The following DLGAP2 variants were observed in gnomAD, a reference collection of about 807,000 sequenced individuals.
DLGAP2 encodes the protein DLG associated protein 2.
Under a neutral mutation model 100.3 loss-of-function variants are expected in DLGAP2, and 26 were observed. The observed-to-expected ratio is 0.26, with a 90% CI of 0.19 to 0.36. The LOEUF (loss-of-function observed/expected upper bound fraction) is 0.36. Ranked by LOEUF, DLGAP2 falls within the 10% of genes least tolerant of loss-of-function variation. The pLI is 1.00. For missense variants in DLGAP2, 1,858 were observed against 1,453.2 expected, an observed-to-expected ratio of 1.28 and a Z score of -4.53; for synonymous variants, 886 against 630.1, an observed-to-expected ratio of 1.41 and a Z score of -6.08.
chr8:1,286,912 C>A (rs755971167), intron 3 of DLGAP2, among the ~76,000 whole-genome samples: 18 of 152,222 alleles, frequency 1.2e-4, no homozygotes, highest in Non-Finnish European at 2.5e-4. Context: ...ACGTTAAATA[C>A]AATGAGGGCT....
At chr8:1,363,407 C>T (rs777433235) in intron 3 of DLGAP2, among the ~76,000 whole-genome samples, 36 of 152,204 alleles carry the variant, frequency 2.4e-4, no homozygotes, top group African/African-American at 5.5e-4. Flanking sequence ...CCTGCCTCCA[C>T]GTCGCAGGTC....
intron 6 of DLGAP2, chr8:1,619,678 T>A (rs1040203717): frequency 1.3e-5 from 2 of 152,238 alleles, no homozygotes; most frequent in African/African-American, 4.8e-5. Flanking sequence ...ATTATACTTG[T>A]ATTGCATGTA....
intron 3 of DLGAP2, among the ~76,000 whole-genome samples, chr8:1,333,233 C>T (rs1042176992): frequency 2.0e-5 from 3 of 152,164 alleles, no homozygotes; most frequent in East Asian, 1.9e-4. Context: ...AAACCCACTG[C>T]TACCCTGGCC....
At chr8:1,310,017 C>A (rs1397429477) in intron 3 of DLGAP2, among the ~76,000 whole-genome samples, 3 of 146,976 alleles carry the variant, frequency 2.0e-5, no homozygotes, top group African/African-American at 5.1e-5. Context: ...ATCATTTGAA[C>A]CACTGTATAC....
chr8:1,539,432 G>C (rs897943299), intron 4 of DLGAP2, among the ~76,000 whole-genome samples: 1 of 152,270 alleles, frequency 6.6e-6, no homozygotes. Context: ...TATGATGGAC[G>C]GCTCTAATCT....
At chr8:1,415,677 G>A (rs766904554) in intron 3 of DLGAP2, among the ~76,000 whole-genome samples, 6 of 152,216 alleles carry the variant, frequency 3.9e-5, no homozygotes, top group African/African-American at 1.4e-4. Flanking sequence ...ATTTCGTGGT[G>A]TATAGGTAGC....
intron 5 of DLGAP2, among the ~76,000 whole-genome samples, chr8:1,558,165 G>A (rs1802030324): frequency 6.6e-6 from 1 of 152,194 alleles, no homozygotes; most frequent in Admixed American, 6.5e-5. Flanking sequence ...CAGCGCCTCT[G>A]TTGGTGGCCT....
intron 2 of DLGAP2, among the ~76,000 whole-genome samples, chr8:1,135,439 G>A (rs994576695): frequency 3.3e-5 from 5 of 150,340 alleles, no homozygotes; most frequent in Non-Finnish European, 7.4e-5. Context: ...ATGGTTTTAG[G>A]AACCACGCAG....
intron 2 of DLGAP2, among the ~76,000 whole-genome samples, chr8:951,217 T>G (rs900319164): frequency 6.6e-6 from 1 of 152,212 alleles, no homozygotes; most frequent in Non-Finnish European, 1.5e-5. Flanking sequence ...GTTTCTGATA[T>G]TTTGTTACTT....
intron 2 of DLGAP2, among the ~76,000 whole-genome samples, chr8:1,078,327 G>T (rs1458869696): frequency 1.3e-5 from 2 of 152,044 alleles, no homozygotes; most frequent in Non-Finnish European, 2.9e-5. Context: ...TACTCTTTTT[G>T]CCTGTATTCC....
At chr8:775,310 C>G (rs1035081102) in intron 1 of DLGAP2, among the ~76,000 whole-genome samples, 1 of 152,094 alleles carries the variant, frequency 6.6e-6, no homozygotes, top group African/African-American at 2.4e-5. Flanking sequence ...GACAATTTGA[C>G]TTCCTCTTTT....
chr8:897,125 C>T (rs1798157122), intron 1 of DLGAP2, among the ~76,000 whole-genome samples: 1 of 152,116 alleles, frequency 6.6e-6, no homozygotes, highest in Non-Finnish European at 1.5e-5. Context: ...AGCAGCAGGT[C>T]TCTGTTCACT....
rs373232309 is a variant in DLGAP2 at position 858,713 on chromosome 8, GTGATGCTCTCACCGTGGGCACATGTA to G, written c.19-49191_19-49166del. Among the ~76,000 whole-genome samples the G allele has an allele frequency of 6.1e-3, 928 of 151,334 alleles. 14 individuals are homozygous for G. The highest frequency in any genetic ancestry group is 0.025 in the Admixed American group (377 of 15,174). On this transcript the variant is annotated intron_variant, in intron 1 of 14. Transcript: ENST00000637795. ...TGATGCTGTCATTGTAGGGACATGT[GTGATGCTCTCACCGTGGGCACATGTA>G]TGATGCTGTCACCGTGGGCACATGT... is the stretch of plus-strand genomic sequence containing the variant.
intron 2 of DLGAP2, among the ~76,000 whole-genome samples, chr8:1,128,951 C>T (rs752386798): frequency 2.0e-5 from 3 of 152,170 alleles, no homozygotes; most frequent in Non-Finnish European, 4.4e-5. Flanking sequence ...GTGTGTGTCT[C>T]AGGACACTGG....
chr8:1,050,086 T>G (rs924142409), intron 2 of DLGAP2, among the ~76,000 whole-genome samples: 2 of 152,206 alleles, frequency 1.3e-5, no homozygotes, highest in African/African-American at 4.8e-5. Context: ...GCACAGGCAG[T>G]CACACACATA....
chr8:1,434,961 T>C (rs973746827), intron 3 of DLGAP2, among the ~76,000 whole-genome samples: 5 of 152,188 alleles, frequency 3.3e-5, no homozygotes. Flanking sequence ...GGCCCTGGAC[T>C]CTTGATCTTG....
intron 2 of DLGAP2, among the ~76,000 whole-genome samples, chr8:1,199,764 C>T (rs1478754664): frequency 6.6e-6 from 1 of 152,032 alleles, no homozygotes; most frequent in Non-Finnish European, 1.5e-5. Flanking sequence ...AGAGCTCTTG[C>T]ATGATGGAAG....
At chr8:1,665,884 T>G (rs1367039554) in intron 8 of DLGAP2, among the ~76,000 whole-genome samples, 1 of 152,214 alleles carries the variant, frequency 6.6e-6, no homozygotes, top group Non-Finnish European at 1.5e-5. Context: ...GAAACCCCTT[T>G]ATCGATGAGC....
intron 2 of DLGAP2, among the ~76,000 whole-genome samples, chr8:987,225 G>A (rs963837080): frequency 2.0e-5 from 3 of 152,092 alleles, no homozygotes; most frequent in Non-Finnish European, 2.9e-5. Flanking sequence ...GGCCGGGGTC[G>A]CCTGAGATCA....
Sources: allele counts gnomAD v4.1 joint callset (sites outside exome capture counted in the v4.1 genomes callset), GRCh38; gene constraint gnomAD v4.1.1; transcripts MANE v1.5; gene names NCBI Gene and HGNC (gene_info 2026-07-23, HGNC 2026-07-21).